PAX2: variants seen among roughly 807,000 people sequenced by gnomAD.
PAX2 encodes the protein paired box protein Pax-2.
A neutral mutation model predicts 41.7 loss-of-function variants in PAX2; 9 were observed. The ratio of observed to expected loss-of-function variants is 0.22; its 90% CI spans 0.13 to 0.38. The LOEUF (loss-of-function observed/expected upper bound fraction) is 0.38. PAX2 is among the 10% of genes least tolerant of loss of function. The pLI is 1.00. For synonymous variants in PAX2, 221 were observed against 212.7 expected, an observed-to-expected ratio of 1.04 and a Z score of -0.34; for missense variants, 418 against 531.6, an observed-to-expected ratio of 0.79 and a Z score of 2.10.
At chr10:100,808,205 G>A (rs753925325) in intron 6 of PAX2, among the ~76,000 whole-genome samples, 27 of 152,056 alleles carry the variant, frequency 1.8e-4, no homozygotes, top group Non-Finnish European at 3.7e-4. Context: ...TAAATCAGGG[G>A]GCAGCTTCAC....
In PAX2 at chr10:100,824,493, T is replaced by C. The variant is rs1848480336; in HGVS notation, c.920-155T>C. ...AGACACATGCAAAGGCACACTCAGA[T>C]GGCGCATTCAGGTGCACAGTGGCAC... On this transcript the variant is annotated intron_variant, in intron 7 of 9. Transcript: ENST00000355243. This position sits in a 1 kb window ranked among gnomAD's most constrained non-coding sequence, Gnocchi z 6.6. 6.6e-6 allele frequency among the ~76,000 whole-genome samples: 1 copy of C among 152,024 alleles called. No homozygotes were observed. Among genetic ancestry groups the C allele is most frequent in the Admixed American group, 6.6e-5 (1 of 15,264 alleles).
intron 3 of PAX2, among the ~76,000 whole-genome samples, chr10:100,772,388 A>C (rs1846246255): frequency 1.3e-5 from 2 of 151,992 alleles, no homozygotes; most frequent in African/African-American, 4.8e-5. Context: ...TCCTGACCTC[A>C]AGTGATCCAC....
At chr10:100,763,518 G>C (rs75553649) in intron 3 of PAX2, among the ~76,000 whole-genome samples, 1,710 of 152,318 alleles carry the variant, frequency 0.011, 26 homozygotes, top group Non-Finnish European at 0.016. Context: ...AGATCTGGTG[G>C]TTAGAGTAGT....
At chr10:100,802,115 G>A (rs976788977) in intron 5 of PAX2, among the ~76,000 whole-genome samples, 2 of 152,150 alleles carry the variant, frequency 1.3e-5, no homozygotes, top group Non-Finnish European at 1.5e-5. Context: ...ACTAGCACAC[G>A]GTCCCTTCCT....
intron 3 of PAX2, among the ~76,000 whole-genome samples, chr10:100,760,177 A>G (rs1845786614): frequency 6.6e-6 from 1 of 152,144 alleles, no homozygotes; most frequent in African/African-American, 2.4e-5. Context: ...CCTGGCTTCT[A>G]TGCCCTGGGA....
At chr10:100,815,716 T>G (rs1409012723) in intron 7 of PAX2, among the ~76,000 whole-genome samples, 1 of 152,180 alleles carries the variant, frequency 6.6e-6, no homozygotes, top group Non-Finnish European at 1.5e-5. Flanking sequence ...GTAAAGGATA[T>G]GGAAAAGAAG....
At chr10:100,758,935 G>A (rs919702229) in intron 3 of PAX2, among the ~76,000 whole-genome samples, 4 of 152,234 alleles carry the variant, frequency 2.6e-5, no homozygotes, top group African/African-American at 9.6e-5. Context: ...ATAGCCGGAG[G>A]AGGAGAGGTG....
At chr10:100,743,874 T>C (rs1845050363), upstream of PAX2, among the ~76,000 whole-genome samples, 1 of 152,172 alleles carries the variant, frequency 6.6e-6, no homozygotes, top group Admixed American at 6.5e-5. Context: ...GGAAGTGGGA[T>C]AGGGGCTGGG....
chr10:100,744,323 G>A (rs1845070077), upstream of PAX2, among the ~76,000 whole-genome samples: 1 of 152,256 alleles, frequency 6.6e-6, no homozygotes, highest in Admixed American at 6.5e-5. Context: ...GGGGGAGGGA[G>A]CGAAGGAGGG....
intron 3 of PAX2, among the ~76,000 whole-genome samples, chr10:100,770,509 T>C (rs1384800021): frequency 6.6e-6 from 1 of 152,230 alleles, no homozygotes; most frequent in Non-Finnish European, 1.5e-5. Context: ...AACCTATGCA[T>C]ATCTTGAAGT....
chr10:100,825,947 T>G (rs1589908327), intron 8 of PAX2, among the ~76,000 whole-genome samples: 2 of 77,120 alleles, frequency 2.6e-5, no homozygotes, highest in African/African-American at 5.4e-5. Context: ...AGAGGTGGGG[T>G]GAGGGAAGAG....
At chr10:100,770,815 T>C (rs1846182070) in intron 3 of PAX2, among the ~76,000 whole-genome samples, 1 of 152,252 alleles carries the variant, frequency 6.6e-6, no homozygotes, top group Non-Finnish European at 1.5e-5. Flanking sequence ...ACTGATAGCT[T>C]ATTGAATTTT....
At chr10:100,789,500 C>T (rs1847014348) in intron 5 of PAX2, among the ~76,000 whole-genome samples, 1 of 152,210 alleles carries the variant, frequency 6.6e-6, no homozygotes, top group African/African-American at 2.4e-5. Context: ...CACAGACTCT[C>T]CCCTCCCTAG....
chr10:100,749,630 G>A, intron 1 of PAX2, 116 bp from the exon 2 acceptor site: 1 of 1,488,250 alleles, frequency 6.7e-7, no homozygotes, highest in Non-Finnish European at 9.0e-7. Flanking sequence ...CTCAAGCTCG[G>A]GAACATGCCC....
Position 100,745,781 on chromosome 10 carries a change from G to A in PAX2, c.-480G>A. On this transcript the variant is annotated 5_prime_UTR_variant, in exon 1 of 10. Coordinates refer to ENST00000355243, the MANE Select transcript of PAX2 (RefSeq NM_000278.5). Reference sequence around the variant, plus strand: ...ACATCCCCGGGATTGCTACTTCTCTGCCAACTTCGCCAACTCGCCAGCACT... The same window carrying A: ...ACATCCCCGGGATTGCTACTTCTCTACCAACTTCGCCAACTCGCCAGCACT... The A allele has an allele frequency of 2.8e-6, 3 of 1,060,296 alleles. No homozygotes were observed. Among genetic ancestry groups the A allele is most frequent in the Non-Finnish European group, 3.4e-6 (3 of 876,794 alleles). The allele number at this position is 1,060,296 out of a possible 1,614,324, so 65.7% of individuals were successfully genotyped here. A position where few individuals can be genotyped will look rare whatever the true frequency, so the allele number is the denominator to read the frequency against.
upstream of PAX2, among the ~76,000 whole-genome samples, chr10:100,742,384 C>T (rs1295536789): frequency 6.7e-6 from 1 of 148,876 alleles, no homozygotes. Flanking sequence ...CCGACACCTA[C>T]ACCCAGACAG....
intron 3 of PAX2, among the ~76,000 whole-genome samples, chr10:100,759,834 C>G (rs1250139015): frequency 2.6e-5 from 4 of 152,136 alleles, no homozygotes; most frequent in Non-Finnish European, 4.4e-5. Context: ...TGGGAGTGAG[C>G]ACTGGGGGCT....
chr10:100,768,763 G>A (rs1846108918), intron 3 of PAX2, among the ~76,000 whole-genome samples: 1 of 152,162 alleles, frequency 6.6e-6, no homozygotes, highest in Non-Finnish European at 1.5e-5. Context: ...CGATGCATAT[G>A]TATAATTATA....
chr10:100,795,373 T>C (rs1847284282), intron 5 of PAX2, among the ~76,000 whole-genome samples: 1 of 152,060 alleles, frequency 6.6e-6, no homozygotes, highest in Admixed American at 6.5e-5. Flanking sequence ...AATCAGAATG[T>C]GATGAATGCC....
Sources: gnomAD v4.1 joint callset for allele counts (sites outside exome capture counted in the v4.1 genomes callset) on GRCh38, gnomAD v4.1.1 for gene constraint, Gnocchi (gnomAD v3.1) non-coding constraint, MANE v1.5 for transcripts, NCBI Gene and HGNC (gene_info 2026-07-23, HGNC 2026-07-21) for gene names.